Variants in NID1 observed in about 807,000 individuals in gnomAD.
NID1 encodes the protein nidogen 1.
NID1 carries 76 observed loss-of-function variants against 130.6 expected under a neutral mutation model. That is an observed-to-expected ratio of 0.58 (90% CI 0.48 to 0.70). The LOEUF (loss-of-function observed/expected upper bound fraction) is 0.70, where lower values mean the gene tolerates loss of function less well. NID1 is among the 30% of genes least tolerant of loss of function. The pLI, the probability that NID1 is intolerant of heterozygous loss-of-function variation, is 0.00. For synonymous variants in NID1, 665 were observed against 675.1 expected, an observed-to-expected ratio of 0.98 and a Z score of 0.23; for missense variants, 1,517 against 1,664.8, an observed-to-expected ratio of 0.91 and a Z score of 1.54.
Position 235,993,698 on chromosome 1 carries a change from C to A in NID1, c.2702G>T (p.Arg901Leu). 1 of 1,600,034 alleles carries A rather than the reference C, an allele frequency of 6.2e-7. No individual in the cohort carries two copies. Among genetic ancestry groups the A allele is most frequent in the Non-Finnish European group, 8.5e-7 (1 of 1,170,714 alleles). Residue 901 changes from arginine (R) to leucine (L), a missense_variant, in exon 13 of 20, where the codon CGC becomes CTC. Physicochemically the swap from Arg to Leu is moderately radical, Grantham distance 102. Transcript: ENST00000264187. ...GGTGCCCTCCACCTCGCGGCCGTCG[C>A]GATCCACGCACCAGCAGTAGCCGGT... ...GSTGYCWCVD[R>L]DGREVEGTRT... is the part of the protein sequence containing the mutation.
In NID1 at chr1:236,024,254, A is replaced by C. The variant is rs373936943; in HGVS notation, c.1985-41T>G. The C allele has an allele frequency of 1.9e-6, 3 of 1,606,520 alleles. No individual in the cohort carries two copies. The African/African-American group carries it at 4.0e-5, about 21-fold the overall frequency. On this transcript the variant is annotated intron_variant, in intron 8 of 19. Transcript: ENST00000264187. ...CATTGGAACCAAGTGAGTCTTCAGG[A>C]GCTCTTGCAGGTTTCCTCCTTCCAC...
At chr1:236,041,486 A>C (rs1257017271) in intron 4 of NID1, among the ~76,000 whole-genome samples, 1 of 152,236 alleles carries the variant, frequency 6.6e-6, no homozygotes, top group Non-Finnish European at 1.5e-5. Flanking sequence ...TCCAAAACCA[A>C]GAGGAAATAA....
chr1:236,026,208 A>C, intron 7 of NID1, 67 bp from the exon 8 acceptor site: 1 of 1,585,432 alleles, frequency 6.3e-7, no homozygotes, highest in East Asian at 2.2e-5. Flanking sequence ...AGGATGCAAG[A>C]AGCTGAATCA....
intron 11 of NID1, 96 bp from the exon 12 acceptor site, chr1:236,012,139 C>T: frequency 6.8e-7 from 1 of 1,464,718 alleles, no homozygotes; most frequent in Non-Finnish European, 9.3e-7. Context: ...TCTATGGGAA[C>T]CTGCTTCTGA....
chr1:236,010,657 G>C (rs1439403056), intron 12 of NID1, among the ~76,000 whole-genome samples: 3 of 152,152 alleles, frequency 2.0e-5, no homozygotes, highest in Non-Finnish European at 4.4e-5. Flanking sequence ...TACTGAACTC[G>C]GCCTTTGTAA....
chr1:236,015,475 C>T (rs930674703), intron 10 of NID1, among the ~76,000 whole-genome samples: 2 of 151,912 alleles, frequency 1.3e-5, no homozygotes, highest in Admixed American at 6.6e-5. Context: ...GGTGAAACCC[C>T]GTCTCTACTA....
chr1:236,020,249 C>T (rs1658724721), intron 9 of NID1, among the ~76,000 whole-genome samples: 3 of 152,116 alleles, frequency 2.0e-5, no homozygotes. Context: ...CACTTTCTAA[C>T]TCAATAGGAA....
At chr1:235,998,578 G>A (rs992633320) in intron 12 of NID1, among the ~76,000 whole-genome samples, 5 of 152,058 alleles carry the variant, frequency 3.3e-5, no homozygotes, top group Non-Finnish European at 5.9e-5. Context: ...GGGAGGCTGA[G>A]GCTGGAGAAT....
chr1:235,976,536 A>T lies in NID1; in HGVS notation c.*1331T>A, dbSNP rs1183392536. ...TCTCGACTCCTTTATCCCATCCTTTACTGACTCAAACTCCTTATGCTGAAC... is the reference window on the plus strand; with the variant it reads ...TCTCGACTCCTTTATCCCATCCTTTTCTGACTCAAACTCCTTATGCTGAAC... On this transcript the variant is annotated 3_prime_UTR_variant, in exon 20 of 20. Coordinates refer to ENST00000264187, the MANE Select transcript of NID1 (RefSeq NM_002508.3). The T allele has an allele frequency of 6.6e-6, 1 of 151,964 alleles. No homozygotes were observed. Among genetic ancestry groups the T allele is most frequent in the African/African-American group, 2.4e-5 (1 of 41,326 alleles). 9.4% of individuals were successfully genotyped at this position (151,964 alleles called of 1,614,324 possible). A position where few individuals can be genotyped will look rare whatever the true frequency, so the allele number is the denominator to read the frequency against.
rs1659137545 is a variant in NID1 at position 236,032,754 on chromosome 1, GA to G, written c.1286-103del. 2.1e-6 allele frequency: 3 copies of G among 1,461,112 alleles called. No individual in the cohort carries two copies. The African/African-American group carries it at 4.2e-5, about 21-fold the overall frequency. The allele number at this position is 1,461,112 out of a possible 1,614,324, so 90.5% of individuals were successfully genotyped here. A position where few individuals can be genotyped will look rare whatever the true frequency, so the allele number is the denominator to read the frequency against. On this transcript the variant is annotated intron_variant, in intron 5 of 19. Transcript: ENST00000264187. ...TGTACCTATTGGTGAAGAAAGCAAA[GA>G]AACAAAACAGCACTGGGGTCAATGG...
intron 4 of NID1, among the ~76,000 whole-genome samples, chr1:236,039,835 C>T (rs12070292): frequency 0.036 from 5,410 of 152,148 alleles, 350 homozygotes; most frequent in African/African-American, 0.12. Context: ...CACGTGATGC[C>T]GCTGATTACT....
intron 14 of NID1, among the ~76,000 whole-genome samples, chr1:235,989,818 G>A (rs796712939): frequency 3.3e-5 from 5 of 152,384 alleles, no homozygotes; most frequent in African/African-American, 1.2e-4. Context: ...AGGGGGAACT[G>A]CAAGTGCAAA....
chr1:236,047,956 G>A (rs1457054746), intron 2 of NID1, among the ~76,000 whole-genome samples: 1 of 149,914 alleles, frequency 6.7e-6, no homozygotes, highest in African/African-American at 2.5e-5. Context: ...AACCTGGGAG[G>A]TGGAGGCTGC....
At chr1:235,985,320 T>C (rs1445106768) in intron 15 of NID1, 59 bp downstream of exon 15, 2 of 1,600,142 alleles carry the variant, frequency 1.2e-6, no homozygotes, top group Non-Finnish European at 1.7e-6. Context: ...CTGGCATACA[T>C]GGCCACTTTG....
At chr1:236,055,033 G>A (rs1033480104) in intron 1 of NID1, among the ~76,000 whole-genome samples, 4 of 152,012 alleles carry the variant, frequency 2.6e-5, no homozygotes, top group Admixed American at 6.6e-5. Context: ...GGCCGCGTGC[G>A]GTGGCTCACG....
At position 235,976,914 on chromosome 1, in the gene NID1, G is replaced by A. The variant is rs1033413297; in HGVS notation, c.*953C>T. The A allele has an allele frequency of 2.2e-4, 33 of 152,228 alleles. No homozygotes were observed. Among genetic ancestry groups the A allele is most frequent in the African/African-American group, 7.5e-4 (31 of 41,450 alleles). The allele number at this position is 152,228 out of a possible 1,614,324, so 9.4% of individuals were successfully genotyped here. The stretch of plus-strand genomic sequence containing the variant: ...TGTGGTGGGACATCATCTGGTGCCA[G>A]CCCCATCCTGTACCTCAGATAGGTC... On this transcript the variant is annotated 3_prime_UTR_variant, in exon 20 of 20. Transcript: ENST00000264187.
chr1:236,045,206 CAAAAAAAAAAAA>C (rs201261106), intron 3 of NID1, among the ~76,000 whole-genome samples: 4 of 89,708 alleles, frequency 4.5e-5, no homozygotes, highest in South Asian at 6.9e-4. Context: ...GGCTCTGTCT[CAAAAAAAAAAAA>C]AAAAAAAAAA....
chr1:236,038,807 A>G (rs1213502828), intron 4 of NID1, among the ~76,000 whole-genome samples: 1 of 125,044 alleles, frequency 8.0e-6, no homozygotes. Context: ...TATATAATAT[A>G]TATTACCTAT....
Position 236,013,686 on chromosome 1 carries a change from C to CT in NID1, c.2255-127_2255-126insA, listed in dbSNP as rs761233829. ...AGACCTCTAGGCATGTCCACAGCTT[C>CT]ACCTGCACCCCACTCCTCACTGGGC... On this transcript the variant is annotated intron_variant, in intron 10 of 19. Transcript: ENST00000264187. 145 of 1,061,630 alleles carry CT rather than the reference C, an allele frequency of 1.4e-4. 3 individuals carry two copies. In the South Asian group the frequency reaches 2.1e-3, roughly 15 times the overall value. The allele number at this position is 1,061,630 out of a possible 1,614,324, so 65.8% of individuals were successfully genotyped here.
Sources: allele counts gnomAD v4.1 joint callset (sites outside exome capture counted in the v4.1 genomes callset), GRCh38; gene constraint gnomAD v4.1.1; transcripts MANE v1.5; gene names NCBI Gene and HGNC (gene_info 2026-07-23, HGNC 2026-07-21).